ADGRL3: variants seen among roughly 807,000 people sequenced by gnomAD.
ADGRL3 encodes adhesion G protein-coupled receptor L3, also known as calcium-independent alpha-latrotoxin receptor 3.
In ADGRL3, 62 loss-of-function variants were observed where a neutral mutation model predicts 153.5. The observed-to-expected ratio is 0.40, with a 90% CI of 0.33 to 0.50. ADGRL3 has a LOEUF of 0.50. Among genes scored for constraint, ADGRL3 ranks in the 20% least tolerant of loss-of-function variants. ADGRL3 has a pLI of 0.47. For missense variants in ADGRL3, 1,641 were observed against 1,859.4 expected (o/e 0.88, Z 2.16); for synonymous variants, 710 against 672.5 (o/e 1.06, Z -0.86).
chr4:61,924,458 C>T (rs1362643972), intron 13 of ADGRL3, among the ~76,000 whole-genome samples: 1 of 152,172 alleles, frequency 6.6e-6, no homozygotes, highest in Non-Finnish European at 1.5e-5. Context: ...CTCCTGAACT[C>T]CAGAATTAAT....
At chr4:61,420,606 C>A (rs992148089) in intron 2 of ADGRL3, 9 of 151,504 alleles carry the variant, frequency 5.9e-5, no homozygotes, top group South Asian at 4.2e-4. Flanking sequence ...CGGGGTTTCA[C>A]CGTGTTAGCC....
At chr4:61,476,441 C>T (rs1432926801) in intron 2 of ADGRL3, among the ~76,000 whole-genome samples, 1 of 151,968 alleles carries the variant, frequency 6.6e-6, no homozygotes, top group African/African-American at 2.4e-5. Context: ...CGCTGTGGCT[C>T]ATACCTGTAA....
intron 17 of ADGRL3, among the ~76,000 whole-genome samples, chr4:61,974,811 G>A (rs1340911122): frequency 6.6e-6 from 1 of 152,032 alleles, no homozygotes; most frequent in Non-Finnish European, 1.5e-5. Flanking sequence ...GACATCTTAA[G>A]GTATTATGAT....
intron 6 of ADGRL3, among the ~76,000 whole-genome samples, chr4:61,719,151 T>C (rs1241296200): frequency 6.6e-6 from 1 of 152,196 alleles, no homozygotes; most frequent in Non-Finnish European, 1.5e-5. Flanking sequence ...TAACTACTTT[T>C]TAAGGAATAT....
At chr4:61,601,984 T>A (rs886433841) in intron 5 of ADGRL3, among the ~76,000 whole-genome samples, 1 of 152,086 alleles carries the variant, frequency 6.6e-6, no homozygotes, top group African/African-American at 2.4e-5. Flanking sequence ...ATCAAAAATG[T>A]GTTTGTTAAG....
intron 22 of ADGRL3, among the ~76,000 whole-genome samples, chr4:62,031,177 A>T (rs2151502936): frequency 6.6e-6 from 1 of 151,756 alleles, no homozygotes; most frequent in African/African-American, 2.4e-5. Flanking sequence ...TATGTGCTGC[A>T]AATACATGAA....
intron 1 of ADGRL3, among the ~76,000 whole-genome samples, chr4:61,374,095 A>C (rs1012106050): frequency 2.6e-5 from 4 of 152,104 alleles, no homozygotes; most frequent in Admixed American, 2.6e-4. Context: ...GTATGAGTAA[A>C]ACTTCAGTTA....
At chr4:61,784,350 C>T (rs111576067) in intron 8 of ADGRL3, among the ~76,000 whole-genome samples, 410 of 152,066 alleles carry the variant, frequency 2.7e-3, no homozygotes, top group Middle Eastern at 0.01. Context: ...TATACAATTC[C>T]GAAATGTGAG....
intron 1 of ADGRL3, among the ~76,000 whole-genome samples, chr4:61,343,244 C>T (rs1304478020): frequency 6.6e-6 from 1 of 152,154 alleles, no homozygotes; most frequent in Non-Finnish European, 1.5e-5. Context: ...TTTTAATTTT[C>T]AAAACCACAA....
chr4:61,966,146 A>T (rs1472329426), intron 17 of ADGRL3, among the ~76,000 whole-genome samples: 1 of 152,210 alleles, frequency 6.6e-6, no homozygotes, highest in Non-Finnish European at 1.5e-5. Flanking sequence ...ATGAAATAAA[A>T]ATGACATGGG....
chr4:61,677,273 C>A, intron 6 of ADGRL3: 1 of 298,098 alleles, frequency 3.4e-6, no homozygotes, highest in Non-Finnish European at 6.5e-6. Flanking sequence ...TGAAAATGAG[C>A]AATACAATTT....
chr4:62,052,880 G>T (rs575264539), intron 25 of ADGRL3, among the ~76,000 whole-genome samples: 222 of 151,228 alleles, frequency 1.5e-3, no homozygotes, highest in African/African-American at 5.2e-3. Flanking sequence ...GGAATAAGTA[G>T]AATATATATT....
At chr4:61,558,173 C>CATAT (rs33947698) in intron 4 of ADGRL3, among the ~76,000 whole-genome samples, 3,527 of 128,906 alleles carry the variant, frequency 0.027, 145 homozygotes, top group African/African-American at 0.082. Context: ...ATGTAGGAAT[C>CATAT]ATATATATAT....
At chr4:61,859,774 T>C (rs1030123083) in intron 9 of ADGRL3, among the ~76,000 whole-genome samples, 13 of 152,192 alleles carry the variant, frequency 8.5e-5, no homozygotes, top group African/African-American at 2.9e-4. Flanking sequence ...TGGTGTGTAG[T>C]ACTAAAGTGA....
At chr4:61,724,189 A>C (rs1231344594) in intron 6 of ADGRL3, among the ~76,000 whole-genome samples, 1 of 152,202 alleles carries the variant, frequency 6.6e-6, no homozygotes. Context: ...GTAACAAATC[A>C]TTGTAACAAG....
chr4:61,614,013 A>G (rs1277657432), intron 5 of ADGRL3, among the ~76,000 whole-genome samples: 2 of 152,184 alleles, frequency 1.3e-5, no homozygotes, highest in Non-Finnish European at 2.9e-5. Context: ...TGAATAATGA[A>G]TTTATTTCTC....
At chr4:61,909,804 T>C (rs1319319551) in intron 12 of ADGRL3, 59 bp downstream of exon 12, 2 of 1,286,380 alleles carry the variant, frequency 1.6e-6, no homozygotes, top group Non-Finnish European at 2.1e-6. Context: ...TGTGTGTGTC[T>C]TTAAAGTTGT....
intron 25 of ADGRL3, among the ~76,000 whole-genome samples, chr4:62,050,189 T>C (rs549582184): frequency 6.6e-6 from 1 of 152,254 alleles, no homozygotes; most frequent in Non-Finnish European, 1.5e-5. Context: ...AACTGAATTG[T>C]CACTTCTAAA....
intron 9 of ADGRL3, among the ~76,000 whole-genome samples, chr4:61,831,411 T>TA (rs1166970099): frequency 0.032 from 1,207 of 37,272 alleles, 69 homozygotes; most frequent in Non-Finnish European, 0.037. Flanking sequence ...AGATGCTAAG[T>TA]AAAAAAAAAA....
Sources: gnomAD v4.1 joint callset for allele counts (sites outside exome capture counted in the v4.1 genomes callset) on GRCh38, gnomAD v4.1.1 for gene constraint, MANE v1.5 for transcripts, NCBI Gene and HGNC (gene_info 2026-07-23, HGNC 2026-07-21) for gene names.